GRID2: variants seen among roughly 807,000 people sequenced by gnomAD.
GRID2 encodes the protein glutamate receptor ionotropic, delta-2.
Under a neutral mutation model 114.8 loss-of-function variants are expected in GRID2, and 33 were observed. That is an observed-to-expected ratio of 0.29 (90% CI 0.22 to 0.38). The LOEUF is 0.38. GRID2 is among the 10% of genes least tolerant of loss of function. GRID2 has a pLI of 1.00. For synonymous variants in GRID2, 505 were observed against 449.9 expected (o/e 1.12, Z -1.55); for missense variants, 1,184 against 1,257.7 (o/e 0.94, Z 0.89).
At chr4:92,731,544 A>G (rs1003634499) in intron 2 of GRID2, among the ~76,000 whole-genome samples, 2 of 151,892 alleles carry the variant, frequency 1.3e-5, no homozygotes, top group Admixed American at 1.3e-4. Context: ...CACAATGTAT[A>G]TTTGCACTTA....
At chr4:92,364,564 T>C (rs1728761945) in intron 1 of GRID2, among the ~76,000 whole-genome samples, 1 of 151,990 alleles carries the variant, frequency 6.6e-6, no homozygotes, top group Admixed American at 6.6e-5. Flanking sequence ...CAAAAGATTT[T>C]TTTTTCATTG....
chr4:93,800,319 A>G (rs954030465), intron 1 of GRID2, among the ~76,000 whole-genome samples: 1 of 152,228 alleles, frequency 6.6e-6, no homozygotes, highest in African/African-American at 2.4e-5. Context: ...GGATGGGAAA[A>G]TGATATGACC....
At chr4:92,586,013 A>C (rs560215954) in intron 1 of GRID2, among the ~76,000 whole-genome samples, 2 of 147,448 alleles carry the variant, frequency 1.4e-5, no homozygotes, top group African/African-American at 5.0e-5. Context: ...GATTATATCT[A>C]TTTTATAAGA....
chr4:92,987,209 C>T (rs1041134302), intron 2 of GRID2, among the ~76,000 whole-genome samples: 11 of 152,030 alleles, frequency 7.2e-5, no homozygotes, highest in Non-Finnish European at 1.3e-4. Context: ...CTCTAAAATA[C>T]GGTGACTGAT....
intron 6 of GRID2, among the ~76,000 whole-genome samples, chr4:93,217,694 T>C (rs760064903): frequency 6.6e-6 from 1 of 151,852 alleles, no homozygotes; most frequent in Non-Finnish European, 1.5e-5. Flanking sequence ...ATCAATCAGA[T>C]AAACTAACTC....
intron 2 of GRID2, among the ~76,000 whole-genome samples, chr4:92,907,479 T>A (rs2149487345): frequency 6.6e-6 from 1 of 152,242 alleles, no homozygotes; most frequent in African/African-American, 2.4e-5. Flanking sequence ...TGGCGCGATC[T>A]TGGCTCACTT....
chr4:92,402,023 T>C (rs1237651126), intron 1 of GRID2, among the ~76,000 whole-genome samples: 1 of 152,230 alleles, frequency 6.6e-6, no homozygotes, highest in Non-Finnish European at 1.5e-5. Flanking sequence ...ATTTCAACAA[T>C]GTTTGCAGCA....
In GRID2 at chr4:93,637,176, A is replaced by G. The variant is rs373411735; in HGVS notation, c.2360+10741A>G. 4.6e-5 allele frequency among the ~76,000 whole-genome samples: 7 copies of G among 152,172 alleles called. No homozygotes were observed. The East Asian group carries it at 5.8e-4, about 13-fold the overall frequency. On this transcript the variant is annotated intron_variant, in intron 14 of 15. Transcript: ENST00000282020. ...TGCTTTGGAATGTGTTCTCTAACTTATAAAGAAACTATGCTGTAGACTAAA... is the reference window on the plus strand; with the variant it reads ...TGCTTTGGAATGTGTTCTCTAACTTGTAAAGAAACTATGCTGTAGACTAAA...
At chr4:93,359,467 A>G (rs991782362) in intron 8 of GRID2, among the ~76,000 whole-genome samples, 1 of 151,670 alleles carries the variant, frequency 6.6e-6, no homozygotes, top group African/African-American at 2.4e-5. Flanking sequence ...AAAATATGCA[A>G]TGAAATTATT....
At chr4:92,424,705 A>G (rs1268550004) in intron 1 of GRID2, among the ~76,000 whole-genome samples, 1 of 151,512 alleles carries the variant, frequency 6.6e-6, no homozygotes, top group Non-Finnish European at 1.5e-5. Flanking sequence ...CACTATTTCT[A>G]TAGGGTAATA....
chr4:93,453,570 AC>A (rs1310534504), intron 10 of GRID2, among the ~76,000 whole-genome samples: 1 of 152,036 alleles, frequency 6.6e-6, no homozygotes, highest in Non-Finnish European at 1.5e-5. Context: ...TAAATAAAAA[AC>A]TTTAGCTATT....
intron 13 of GRID2, among the ~76,000 whole-genome samples, chr4:93,572,574 T>C (rs1398521241): frequency 3.3e-5 from 5 of 152,164 alleles, no homozygotes; most frequent in African/African-American, 1.2e-4. Context: ...GTCAGTCTTA[T>C]GATTGACATA....
intron 1 of GRID2, among the ~76,000 whole-genome samples, chr4:92,522,313 GA>G (rs879729085): frequency 3.3e-5 from 5 of 151,598 alleles, no homozygotes; most frequent in African/African-American, 9.7e-5. Flanking sequence ...AGTAAACAGG[GA>G]AAAAAAATAA....
chr4:92,550,923 A>G (rs1412423937), intron 1 of GRID2, among the ~76,000 whole-genome samples: 2 of 152,194 alleles, frequency 1.3e-5, no homozygotes, highest in Non-Finnish European at 2.9e-5. Flanking sequence ...CAAATTTTAG[A>G]ACTTCATTGA....
intron 4 of GRID2, among the ~76,000 whole-genome samples, chr4:93,114,081 G>A (rs1733019459): frequency 6.6e-6 from 1 of 152,098 alleles, no homozygotes; most frequent in Non-Finnish European, 1.5e-5. Flanking sequence ...AAAACAAGCT[G>A]AGCCTTTTCA....
intron 1 of GRID2, among the ~76,000 whole-genome samples, chr4:92,579,559 A>G (rs1209294794): frequency 1.3e-5 from 2 of 152,024 alleles, no homozygotes; most frequent in Non-Finnish European, 2.9e-5. Context: ...TAAAAACTAT[A>G]GGTCTTGGAA....
At chr4:93,145,618 C>A (rs1275637302) in intron 4 of GRID2, among the ~76,000 whole-genome samples, 43 of 147,958 alleles carry the variant, frequency 2.9e-4, no homozygotes, top group African/African-American at 1.0e-3. Context: ...GACACCCCAC[C>A]CAGCTAGTTT....
At chr4:92,755,983 TC>T (rs1737700726) in intron 2 of GRID2, among the ~76,000 whole-genome samples, 1 of 152,162 alleles carries the variant, frequency 6.6e-6, no homozygotes, top group Non-Finnish European at 1.5e-5. Flanking sequence ...AGTCCACGCT[TC>T]TAGCTATTTG....
intron 1 of GRID2, among the ~76,000 whole-genome samples, chr4:92,321,810 A>G (rs1726328529): frequency 6.6e-6 from 1 of 152,198 alleles, no homozygotes; most frequent in Admixed American, 6.6e-5. Context: ...GTAGGAAAAT[A>G]TAAGCGTTGT....
Sources: gnomAD v4.1 joint callset for allele counts (sites outside exome capture counted in the v4.1 genomes callset) on GRCh38, gnomAD v4.1.1 for gene constraint, MANE v1.5 for transcripts, NCBI Gene and HGNC (gene_info 2026-07-23, HGNC 2026-07-21) for gene names.